The following PACSIN2 variants were observed in gnomAD, a reference collection of about 807,000 sequenced individuals.
The protein encoded by PACSIN2 is protein kinase C and casein kinase substrate in neurons 2.
PACSIN2 carries 25 observed loss-of-function variants against 63.8 expected under a neutral mutation model. The observed-to-expected ratio is 0.39, with a 90% CI of 0.29 to 0.55. PACSIN2 has a LOEUF of 0.55. PACSIN2 is among the 20% of genes least tolerant of loss of function. The pLI is 0.62. For missense variants in PACSIN2, 518 were observed against 646.9 expected (o/e 0.80, Z 2.16); for synonymous variants, 255 against 256.2 (o/e 1.00, Z 0.05).
chr22:42,889,223 T>G (rs570326234), intron 4 of PACSIN2, among the ~76,000 whole-genome samples: 4 of 151,716 alleles, frequency 2.6e-5, no homozygotes, highest in African/African-American at 9.7e-5. Context: ...AACACGCACA[T>G]GGAGGGGTTA....
intron 1 of PACSIN2, among the ~76,000 whole-genome samples, chr22:42,980,615 TGCCTGCGATTGCAG>T (rs1395768551): frequency 3.0e-5 from 4 of 132,330 alleles, no homozygotes; most frequent in Non-Finnish European, 6.5e-5. Context: ...GCCTGCCGAG[TGCCTGCGATTGCAG>T]GCGCGCGCCG....
At chr22:42,998,059 G>C (rs190313322) in intron 1 of PACSIN2, among the ~76,000 whole-genome samples, 698 of 152,240 alleles carry the variant, frequency 4.6e-3, no homozygotes, top group Non-Finnish European at 8.1e-3. Context: ...ACATATCCAA[G>C]GGCAGTTACC....
At chr22:42,894,328 C>A (rs1271552769) in intron 2 of PACSIN2, among the ~76,000 whole-genome samples, 2 of 152,156 alleles carry the variant, frequency 1.3e-5, no homozygotes, top group Non-Finnish European at 2.9e-5. Context: ...GCAACCTCCG[C>A]ATCCCAGGTT....
At chr22:42,972,117 G>A (rs1415000284) in intron 1 of PACSIN2, among the ~76,000 whole-genome samples, 3 of 152,260 alleles carry the variant, frequency 2.0e-5, no homozygotes, top group Non-Finnish European at 4.4e-5. Flanking sequence ...CTGTGTCTGT[G>A]TGGAAAGAAG....
rs1186877663 is a variant in PACSIN2, at chr22:42,905,994, T to TGGCACCAGGCCCTGGC, written c.60+6011_60+6026dup. 2.0e-5 allele frequency among the ~76,000 whole-genome samples: 3 copies of TGGCACCAGGCCCTGGC among 152,374 alleles called. 1 individual carries two copies. The highest frequency in any genetic ancestry group is 1.5e-5 in the Non-Finnish European group (1 of 68,032). ...GTAAGTCCCTCCCATGTGCTGTGCA[T>TGGCACCAGGCCCTGGC]GGCACCAGGCCCTGGCAACACCAGC... On this transcript the variant is annotated intron_variant, in intron 2 of 10. Coordinates refer to ENST00000263246, the MANE Select transcript of PACSIN2 (RefSeq NM_001184970.3).
At chr22:42,894,633 T>C (rs1930151708) in intron 2 of PACSIN2, among the ~76,000 whole-genome samples, 1 of 152,186 alleles carries the variant, frequency 6.6e-6, no homozygotes, top group African/African-American at 2.4e-5. Flanking sequence ...TTTTTTCGTA[T>C]ATGAAAAGAA....
At chr22:42,953,919 G>C (rs953295883) in intron 1 of PACSIN2, among the ~76,000 whole-genome samples, 33 of 152,228 alleles carry the variant, frequency 2.2e-4, no homozygotes, top group Admixed American at 2.6e-4. Flanking sequence ...GGAATGCTTA[G>C]AGCAAGAATG....
At chr22:42,968,894 T>A (rs1921034199) in intron 1 of PACSIN2, among the ~76,000 whole-genome samples, 1 of 152,210 alleles carries the variant, frequency 6.6e-6, no homozygotes, top group Non-Finnish European at 1.5e-5. Context: ...CATGACTGGC[T>A]TCTCTAGTTC....
Position 42,951,077 on chromosome 22 carries a change from A to G in PACSIN2, c.-77-38920T>C, listed in dbSNP as rs1933669790. 2.0e-5 allele frequency among the ~76,000 whole-genome samples: 3 copies of G among 152,160 alleles called. No individual in the cohort carries two copies. In the South Asian group the frequency reaches 6.2e-4, roughly 31 times the overall value. ...GGAACATGAAAGTCTGGGCTTTTGC[A>G]TATCTGTATCACTTAATTGTTCTGC... On this transcript the variant is annotated intron_variant, in intron 1 of 10. Coordinates refer to ENST00000263246, the MANE Select transcript of PACSIN2 (RefSeq NM_001184970.3).
At chr22:42,918,962 GTCAGGTAGGGCATGTT>G in intron 1 of PACSIN2, among the ~76,000 whole-genome samples, 1 of 152,198 alleles carries the variant, frequency 6.6e-6, no homozygotes, top group African/African-American at 2.4e-5. Context: ...TCAAAACGAG[GTCAGGTAGGGCATGTT>G]TCCTGGCTCT....
At chr22:42,897,253 T>C (rs979306271) in intron 2 of PACSIN2, among the ~76,000 whole-genome samples, 1 of 152,218 alleles carries the variant, frequency 6.6e-6, no homozygotes, top group African/African-American at 2.4e-5. Context: ...CTTTTTAATA[T>C]ATTTTTTAAA....
intron 1 of PACSIN2, among the ~76,000 whole-genome samples, chr22:42,917,081 G>A (rs919429546): frequency 1.3e-5 from 2 of 152,000 alleles, no homozygotes; most frequent in Admixed American, 6.5e-5. Flanking sequence ...CAGACACTGC[G>A]CCCCATGCAC....
chr22:42,975,719 G>A (rs1921658179), intron 1 of PACSIN2, among the ~76,000 whole-genome samples: 1 of 150,718 alleles, frequency 6.6e-6, no homozygotes, highest in Non-Finnish European at 1.5e-5. Flanking sequence ...CCCTGGCAGG[G>A]AGCACCCACT....
intron 1 of PACSIN2, among the ~76,000 whole-genome samples, chr22:42,978,056 G>C (rs1193312383): frequency 6.6e-6 from 1 of 152,160 alleles, no homozygotes; most frequent in Non-Finnish European, 1.5e-5. Flanking sequence ...CTGACCTGGA[G>C]AGAGATCCAG....
chr22:42,955,695 C>T (rs926861303), intron 1 of PACSIN2, among the ~76,000 whole-genome samples: 2 of 152,214 alleles, frequency 1.3e-5, no homozygotes, highest in Non-Finnish European at 2.9e-5. Context: ...TCCTTCATGG[C>T]TTTACAGTCT....
At position 42,876,221 on chromosome 22, in the gene PACSIN2, C is replaced by T. The variant is rs764294309; in HGVS notation, c.1264G>A (p.Asp422Asn). The T allele has an allele frequency of 3.4e-5, 55 of 1,614,064 alleles. 1 individual carries two copies. The highest frequency in any genetic ancestry group is 4.2e-5 in the Non-Finnish European group (50 of 1,180,046). Residue 422 changes from aspartate to asparagine, a missense_variant, in exon 10 of 11, where the codon GAC (aspartate) becomes AAC (asparagine). Asp to Asn is a conservative substitution (Grantham distance 23). Transcript: ENST00000263246. ...CGCACTTCCGTCCCCGAGGTGGCGT[C>T]GTCGTCGAATGGATTCGAGTCCCCA... ...ANGDSNPFDDDATSGTEVRVR... is the reference protein window; with the variant it reads ...ANGDSNPFDDNATSGTEVRVR...
chr22:42,986,366 G>A lies in PACSIN2; in HGVS notation c.-78+28655C>T, dbSNP rs534235033. On this transcript the variant is annotated intron_variant, in intron 1 of 10. Coordinates refer to ENST00000263246, the MANE Select transcript of PACSIN2 (RefSeq NM_001184970.3). ...GCAGCGGCCCCCAAAGAAAACACTC[G>A]TGAGTATCAATCAAGGGCAGCATTC... Among the ~76,000 whole-genome samples, 8 of 152,268 alleles carry A rather than the reference G, an allele frequency of 5.3e-5. No individual in the cohort carries two copies. The East Asian group carries it at 5.8e-4, about 11-fold the overall frequency.
At chr22:42,918,958 C>T (rs1184772556) in intron 1 of PACSIN2, among the ~76,000 whole-genome samples, 7 of 152,100 alleles carry the variant, frequency 4.6e-5, no homozygotes, top group Non-Finnish European at 1.0e-4. Flanking sequence ...TTCTTCAAAA[C>T]GAGGTCAGGT....
chr22:42,901,538 T>C (rs1930686356), intron 2 of PACSIN2, among the ~76,000 whole-genome samples: 1 of 152,192 alleles, frequency 6.6e-6, no homozygotes, highest in South Asian at 2.1e-4. Flanking sequence ...CAAGTCCCTC[T>C]CCGTATATTT....
Sources: allele counts gnomAD v4.1 joint callset (sites outside exome capture counted in the v4.1 genomes callset), GRCh38; gene constraint gnomAD v4.1.1; transcripts MANE v1.5; gene names NCBI Gene and HGNC (gene_info 2026-07-23, HGNC 2026-07-21).